Variants in SPPL3 observed in about 807,000 individuals in gnomAD.
The protein encoded by SPPL3 is signal peptide peptidase-like 3.
In SPPL3, 5 loss-of-function variants were observed where a neutral mutation model predicts 42.4. The observed-to-expected ratio is 0.12, with a 90% CI of 0.06 to 0.25. The LOEUF is 0.25. Ranked by LOEUF, SPPL3 falls within the 10% of genes least tolerant of loss-of-function variation. The probability of loss-of-function intolerance (pLI) is 1.00; values close to 1 mark genes in which losing one functional copy is unlikely to be tolerated. For synonymous variants in SPPL3, 195 were observed against 181.8 expected (o/e 1.07, Z -0.58); for missense variants, 235 against 489.0 (o/e 0.48, Z 4.90).
intron 1 of SPPL3, among the ~76,000 whole-genome samples, chr12:120,897,702 T>C (rs2137071688): frequency 6.6e-6 from 1 of 152,090 alleles, no homozygotes; most frequent in African/African-American, 2.4e-5. Flanking sequence ...CAGCCTGGGC[T>C]ACACAGCGAG....
intron 1 of SPPL3, among the ~76,000 whole-genome samples, chr12:120,839,854 A>G (rs1871750841): frequency 6.6e-6 from 1 of 152,216 alleles, no homozygotes; most frequent in Admixed American, 6.5e-5. Flanking sequence ...CATATATAAA[A>G]AAAAAATGAA....
Position 120,851,776 on chromosome 12 carries a change from G to T in SPPL3, c.24-40890C>A, listed in dbSNP as rs1411067021. On this transcript the variant is annotated intron_variant, in intron 1 of 10. Transcript: ENST00000353487. ...GCGCTACCACACCTGGCTAATTTTT[G>T]CATTTTTTGTAGAGACAGGGTTTCA... Among the ~76,000 whole-genome samples the T allele has an allele frequency of 3.9e-5, 6 of 152,096 alleles. No homozygotes were observed. In the East Asian group the frequency reaches 1.2e-3, roughly 29 times the overall value.
At chr12:120,802,267 G>C (rs1870324462) in intron 2 of SPPL3, among the ~76,000 whole-genome samples, 1 of 151,504 alleles carries the variant, frequency 6.6e-6, no homozygotes, top group African/African-American at 2.4e-5. Context: ...TGCACCATGA[G>C]TGCTGTTAAG....
chr12:120,858,151 C>T (rs1029743913), intron 1 of SPPL3, among the ~76,000 whole-genome samples: 1 of 151,988 alleles, frequency 6.6e-6, no homozygotes, highest in Admixed American at 6.6e-5. Context: ...AACTGTAACA[C>T]AATATTATTT....
At chr12:120,779,964 C>T (rs1277994023) in intron 6 of SPPL3, among the ~76,000 whole-genome samples, 1 of 150,260 alleles carries the variant, frequency 6.7e-6, no homozygotes, top group Admixed American at 6.6e-5. Flanking sequence ...TGCCACTGCA[C>T]TCCAGCCTGG....
At chr12:120,867,095 G>C (rs957456924) in intron 1 of SPPL3, among the ~76,000 whole-genome samples, 3 of 152,074 alleles carry the variant, frequency 2.0e-5, no homozygotes, top group African/African-American at 7.2e-5. Flanking sequence ...GCTTTTAACT[G>C]TATTATTTAT....
In SPPL3 at chr12:120,783,740, A is replaced by G; in HGVS notation, c.323T>C (p.Ile108Thr). ...CGGGAGGAGAAGAAAAGCAAAAGCT[A>G]TCGTTGCAAGAACTAGAGAAAGAAA... is the stretch of plus-strand genomic sequence containing the variant. ...FTICTAVLAT[I>T]AFAFLLLPMC... The change falls in exon 5 of 11, where the codon ATA (isoleucine) becomes ACA (threonine). Residue 108 changes from isoleucine to threonine, a missense_variant. Physicochemically the swap from Ile to Thr is moderately conservative, Grantham distance 89. This residue lies in a region of SPPL3 where 110 missense variants were observed against 186.2 expected (regional missense o/e 0.59). Coordinates refer to ENST00000353487, the MANE Select transcript of SPPL3 (RefSeq NM_139015.5). 1 of 1,613,812 alleles carries G rather than the reference A, an allele frequency of 6.2e-7. No individual in the cohort carries two copies.
At chr12:120,845,583 C>A (rs2137029671) in intron 1 of SPPL3, 1 of 475,314 alleles carries the variant, frequency 2.1e-6, no homozygotes, top group South Asian at 2.1e-5. Flanking sequence ...AGCATCCAGG[C>A]CCACCATGAG....
chr12:120,765,169 G>C, intron 10 of SPPL3, 99 bp from the exon 11 acceptor site: 2 of 1,147,142 alleles, frequency 1.7e-6, no homozygotes, highest in Non-Finnish European at 2.4e-6. Context: ...CAGGTATGAA[G>C]TCTTCCTATA....
In SPPL3 at chr12:120,878,218, C is replaced by T. The variant is rs191876199; in HGVS notation, c.23+25627G>A. On this transcript the variant is annotated intron_variant, in intron 1 of 10. Coordinates refer to ENST00000353487, the MANE Select transcript of SPPL3 (RefSeq NM_139015.5). ...AATGTAGTATTTAAAAAACAAAAAA[C>T]AAAAAACAAAAACTTGGTCAGTTGC... Among the ~76,000 whole-genome samples the T allele has an allele frequency of 1.8e-3, 270 of 150,712 alleles. 1 individual carries two copies. The highest frequency in any genetic ancestry group is 6.3e-3 in the African/African-American group (262 of 41,300).
intron 10 of SPPL3, 45 bp from the exon 11 acceptor site, chr12:120,765,115 C>A: frequency 6.3e-7 from 1 of 1,586,276 alleles, no homozygotes; most frequent in Non-Finnish European, 8.6e-7. Context: ...AAACATGAGG[C>A]ACACACAGCT....
chr12:120,868,987 C>T (rs138271851), intron 1 of SPPL3, among the ~76,000 whole-genome samples: 42 of 152,124 alleles, frequency 2.8e-4, no homozygotes, highest in African/African-American at 1.0e-3. Flanking sequence ...TAAGTCTCTT[C>T]ATTATATTGA....
chr12:120,874,207 C>T (rs1286935739), intron 1 of SPPL3, among the ~76,000 whole-genome samples: 1 of 151,998 alleles, frequency 6.6e-6, no homozygotes. Flanking sequence ...AATCCCAGCA[C>T]TTAGGAAGAC....
At chr12:120,853,020 G>A (rs372200263) in intron 1 of SPPL3, among the ~76,000 whole-genome samples, 5 of 150,692 alleles carry the variant, frequency 3.3e-5, no homozygotes, top group African/African-American at 7.3e-5. Context: ...TCAGCCTCCC[G>A]AGTAGCTGGG....
intron 2 of SPPL3, among the ~76,000 whole-genome samples, chr12:120,796,277 G>A (rs1870094484): frequency 2.0e-5 from 3 of 152,134 alleles, no homozygotes; most frequent in Non-Finnish European, 4.4e-5. Flanking sequence ...TTGGGAGGCT[G>A]AGGCAGGAGA....
chr12:120,889,783 TTAAA>T (rs1873574515), intron 1 of SPPL3, among the ~76,000 whole-genome samples: 1 of 140,268 alleles, frequency 7.1e-6, no homozygotes, highest in South Asian at 2.4e-4. Flanking sequence ...GTCCTACAAA[TTAAA>T]TAGTGATTGT....
At chr12:120,829,523 G>A (rs548172191) in intron 1 of SPPL3, among the ~76,000 whole-genome samples, 3 of 152,122 alleles carry the variant, frequency 2.0e-5, no homozygotes, top group Non-Finnish European at 4.4e-5. Context: ...TTGGACCTAG[G>A]GGGCAGGGGT....
At chr12:120,830,638 G>A (rs1871398598) in intron 1 of SPPL3, among the ~76,000 whole-genome samples, 1 of 140,174 alleles carries the variant, frequency 7.1e-6, no homozygotes, top group African/African-American at 2.6e-5. Flanking sequence ...GGAGAGCAAG[G>A]GTGGTGAGGA....
At chr12:120,793,187 G>A (rs554496373) in intron 2 of SPPL3, among the ~76,000 whole-genome samples, 16 of 152,152 alleles carry the variant, frequency 1.1e-4, no homozygotes, top group Non-Finnish European at 2.1e-4. Flanking sequence ...GTTCAACACC[G>A]TTAGTCATCA....
Sources: allele counts gnomAD v4.1 joint callset (sites outside exome capture counted in the v4.1 genomes callset), GRCh38; gene constraint gnomAD v4.1.1; regional missense constraint gnomAD v4.1.1; transcripts MANE v1.5; gene names NCBI Gene and HGNC (gene_info 2026-07-23, HGNC 2026-07-21).